RALGAPA1: variants seen among roughly 807,000 people sequenced by gnomAD.
The protein encoded by RALGAPA1 is Ral GTPase activating protein catalytic subunit alpha 1, also known as ral GTPase-activating protein subunit alpha-1.
A neutral mutation model predicts 269.6 loss-of-function variants in RALGAPA1; 52 were observed. That is an observed-to-expected ratio of 0.19 (90% CI 0.15 to 0.24). The LOEUF (loss-of-function observed/expected upper bound fraction) is 0.24. Among genes scored for constraint, RALGAPA1 ranks in the 10% least tolerant of loss-of-function variants. The probability of loss-of-function intolerance (pLI) is 1.00; values close to 1 mark genes in which losing one functional copy is unlikely to be tolerated. For missense variants in RALGAPA1, 1,917 were observed against 3,013.9 expected (o/e 0.64, Z 8.52); for synonymous variants, 817 against 1,008.3 (o/e 0.81, Z 3.60).
At chr14:35,782,112 CA>C (rs1278853898) in intron 1 of RALGAPA1, among the ~76,000 whole-genome samples, 1 of 152,090 alleles carries the variant, frequency 6.6e-6, no homozygotes, top group East Asian at 1.9e-4. Context: ...ATCTGACTGA[CA>C]AACAAGCTCA....
chr14:35,776,385 GAAA>G (rs35941793), intron 1 of RALGAPA1, among the ~76,000 whole-genome samples: 2 of 139,062 alleles, frequency 1.4e-5, no homozygotes, highest in Admixed American at 7.3e-5. Flanking sequence ...CCACCTTGGG[GAAA>G]AAAAAAAAAA....
At chr14:35,796,710 T>C (rs2076585004) in intron 1 of RALGAPA1, among the ~76,000 whole-genome samples, 1 of 150,884 alleles carries the variant, frequency 6.6e-6, no homozygotes, top group Non-Finnish European at 1.5e-5. Flanking sequence ...CAAACAAGAA[T>C]ACAGTAGAGT....
intron 16 of RALGAPA1, among the ~76,000 whole-genome samples, chr14:35,718,524 A>G (rs2069059136): frequency 6.6e-6 from 1 of 152,160 alleles, no homozygotes; most frequent in East Asian, 1.9e-4. Context: ...ACGTTCATGA[A>G]AAACATAAAG....
At chr14:35,665,041 G>C (rs780218512) in intron 26 of RALGAPA1, among the ~76,000 whole-genome samples, 1 of 152,066 alleles carries the variant, frequency 6.6e-6, no homozygotes, top group South Asian at 2.1e-4. Flanking sequence ...TTATCTACAA[G>C]CATCAATTCA....
At chr14:35,628,085 ATGATGGC>A in intron 33 of RALGAPA1, 134 bp from the exon 34 acceptor site, 1 of 1,028,922 alleles carries the variant, frequency 9.7e-7, no homozygotes, top group Non-Finnish European at 1.4e-6. Context: ...TAATACAGTA[ATGATGGC>A]AAAAAAGGAG....
At chr14:35,550,912 TAAAC>T (rs1300170308) in intron 39 of RALGAPA1, among the ~76,000 whole-genome samples, 1 of 152,114 alleles carries the variant, frequency 6.6e-6, no homozygotes, top group Non-Finnish European at 1.5e-5. Context: ...AGTCTTAACA[TAAAC>T]AAGTAATATG....
At chr14:35,774,886 C>T in intron 3 of RALGAPA1, 120 bp downstream of exon 3, 3 of 678,010 alleles carry the variant, frequency 4.4e-6, no homozygotes, top group Non-Finnish European at 7.7e-6. Flanking sequence ...AGATTTAGTT[C>T]TTAGAAAGGC....
intron 16 of RALGAPA1, among the ~76,000 whole-genome samples, chr14:35,718,585 G>C (rs1452528457): frequency 6.6e-6 from 1 of 152,126 alleles, no homozygotes. Flanking sequence ...GGAGGCCGAG[G>C]TGGGCGGATC....
chr14:35,786,954 C>T (rs919906786), intron 1 of RALGAPA1, among the ~76,000 whole-genome samples: 3 of 152,192 alleles, frequency 2.0e-5, no homozygotes, highest in Admixed American at 6.5e-5. Flanking sequence ...TTATGAACTA[C>T]AAAAGGCTCT....
chr14:35,735,861 G>A (rs1027607320), intron 12 of RALGAPA1, among the ~76,000 whole-genome samples: 2 of 152,136 alleles, frequency 1.3e-5, no homozygotes, highest in Non-Finnish European at 2.9e-5. Flanking sequence ...CTGTTTTGCA[G>A]TTATGCTGTG....
intron 37 of RALGAPA1, among the ~76,000 whole-genome samples, chr14:35,584,674 T>C (rs2058166679): frequency 6.6e-6 from 1 of 151,934 alleles, no homozygotes; most frequent in Admixed American, 6.6e-5. Context: ...AGAAGCATAA[T>C]TGATATGTTA....
At chr14:35,611,517 A>G (rs1013463897) in intron 35 of RALGAPA1, among the ~76,000 whole-genome samples, 1 of 150,608 alleles carries the variant, frequency 6.6e-6, no homozygotes, top group African/African-American at 2.4e-5. Context: ...AAAAAAAAAA[A>G]GGAAAAAGAA....
chr14:35,659,294 C>G (rs1566940664), intron 27 of RALGAPA1, 98 bp from the exon 28 acceptor site: 2 of 718,988 alleles, frequency 2.8e-6, no homozygotes, highest in Non-Finnish European at 4.4e-6. Flanking sequence ...TCTTTGTTCT[C>G]ATGTATGTAC....
intron 16 of RALGAPA1, among the ~76,000 whole-genome samples, chr14:35,713,221 G>C (rs1317450559): frequency 6.6e-6 from 1 of 152,222 alleles, no homozygotes; most frequent in Non-Finnish European, 1.5e-5. Flanking sequence ...ACTGGACCAA[G>C]ATAGCAGCAG....
At chr14:35,705,643 C>T (rs183284404) in intron 16 of RALGAPA1, among the ~76,000 whole-genome samples, 8 of 152,192 alleles carry the variant, frequency 5.3e-5, no homozygotes, top group African/African-American at 1.4e-4. Flanking sequence ...CAGATGTTTG[C>T]GTGGACATGT....
chr14:35,580,579 C>T lies in RALGAPA1; in HGVS notation c.7210-7861G>A, dbSNP rs114565098. Among the ~76,000 whole-genome samples the T allele has an allele frequency of 8.4e-3, 1,283 of 152,252 alleles. 20 individuals are homozygous for T. Among genetic ancestry groups the T allele is most frequent in the African/African-American group, 0.029 (1,223 of 41,570 alleles). On this transcript the variant is annotated intron_variant, in intron 37 of 41. Coordinates refer to ENST00000680220, the MANE Select transcript of RALGAPA1 (RefSeq NM_001346249.2). ...TATAGTCTATGTTGTAAATATTCTGCTGCTACTGTCTTGAGCCTTGAAAAA... is the reference window on the plus strand; with the variant it reads ...TATAGTCTATGTTGTAAATATTCTGTTGCTACTGTCTTGAGCCTTGAAAAA...
At chr14:35,656,759 G>A (rs1450528316) in intron 28 of RALGAPA1, among the ~76,000 whole-genome samples, 1 of 152,162 alleles carries the variant, frequency 6.6e-6, no homozygotes, top group African/African-American at 2.4e-5. Context: ...AGTCTAGAGT[G>A]TTAAGGCTAC....
intron 27 of RALGAPA1, among the ~76,000 whole-genome samples, chr14:35,659,939 CATA>C: frequency 6.6e-6 from 1 of 152,020 alleles, no homozygotes; most frequent in African/African-American, 2.4e-5. Flanking sequence ...AATATCCTTT[CATA>C]ATAAAATATA....
intron 32 of RALGAPA1, 41 bp downstream of exon 32, chr14:35,635,414 GTTTTAAAAA>G: frequency 6.7e-7 from 1 of 1,499,294 alleles, no homozygotes; most frequent in Non-Finnish European, 8.9e-7. Flanking sequence ...ATTTCTCTAG[GTTTTAAAAA>G]CTCTTGGTTA....
Sources: gnomAD v4.1 joint callset for allele counts (sites outside exome capture counted in the v4.1 genomes callset) on GRCh38, gnomAD v4.1.1 for gene constraint, MANE v1.5 for transcripts, NCBI Gene and HGNC (gene_info 2026-07-23, HGNC 2026-07-21) for gene names.